Variants in PSD3 observed in about 807,000 individuals in gnomAD.
PSD3 encodes the protein PH and SEC7 domain-containing protein 3.
Under a neutral mutation model 105.5 loss-of-function variants are expected in PSD3, and 49 were observed. That is an observed-to-expected ratio of 0.46 (90% CI 0.37 to 0.59). PSD3 has a LOEUF of 0.59. PSD3 is among the 20% of genes least tolerant of loss of function. The pLI is 0.00. For missense variants in PSD3, 1,561 were observed against 1,263.8 expected (o/e 1.24, Z -3.57); for synonymous variants, 557 against 457.8 (o/e 1.22, Z -2.77).
chr8:18,761,542 G>C (rs1456609567), intron 9 of PSD3, among the ~76,000 whole-genome samples: 3 of 152,170 alleles, frequency 2.0e-5, no homozygotes, highest in African/African-American at 4.8e-5. Flanking sequence ...TTAAGAGACA[G>C]AACCTGGTAT....
At chr8:19,073,321 C>T (rs879342972) in intron 1 of PSD3, among the ~76,000 whole-genome samples, 2 of 152,078 alleles carry the variant, frequency 1.3e-5, no homozygotes, top group Non-Finnish European at 2.9e-5. Context: ...GAGGCCAAGG[C>T]GGGCGGATCA....
chr8:18,593,617 T>C (rs1323945683), intron 12 of PSD3, among the ~76,000 whole-genome samples: 1 of 152,084 alleles, frequency 6.6e-6, no homozygotes, highest in African/African-American at 2.4e-5. Flanking sequence ...AGCCATCCCA[T>C]TACTGGGTAT....
chr8:18,713,271 G>C (rs1296506362), intron 9 of PSD3, among the ~76,000 whole-genome samples: 1 of 152,108 alleles, frequency 6.6e-6, no homozygotes, highest in African/African-American at 2.4e-5. Context: ...CACAGTATTA[G>C]ACATTCTGGC....
In PSD3 at chr8:18,871,787, A is replaced by G. The variant is rs372197466; in HGVS notation, c.1077T>C (p.Asn359=). 116 of 1,614,074 alleles carry G rather than the reference A, an allele frequency of 7.2e-5. No homozygotes were observed. Among genetic ancestry groups the G allele is most frequent in the Non-Finnish European group, 8.7e-5 (103 of 1,180,034 alleles). The change falls in exon 3 of 16, where the codon AAT becomes AAC. Residue 359 remains asparagine (N), a synonymous_variant. Transcript: ENST00000327040. ...GLCNSSSLTE[N]VWDESWKAPS... is the part of the protein sequence containing the mutation. ...GAGCTTTCCAGGATTCATCCCAAAC[A>G]TTCTCAGTTAAACTACTTGAATTAC...
At chr8:18,957,124 C>A (rs1823618890) in intron 1 of PSD3, among the ~76,000 whole-genome samples, 1 of 152,154 alleles carries the variant, frequency 6.6e-6, no homozygotes, top group Admixed American at 6.5e-5. Context: ...CTAATTCCAA[C>A]ACTCTGGGAG....
chr8:18,872,341 T>C lies in PSD3; in HGVS notation c.523A>G (p.Thr175Ala), dbSNP rs370768183. The change falls in exon 3 of 16, where the codon ACT becomes GCT. Residue 175 changes from threonine to alanine, a missense_variant. Transcript: ENST00000327040. ...ACTCTCTGTGTTTTACGACTGGCAG[T>C]GTCCAGCTCTTTTTCCACCTGCTGA... ...SVQQVEKELDTASRKTQRVNK... is the reference protein window; with the variant it reads ...SVQQVEKELDAASRKTQRVNK... 14 of 1,614,084 alleles carry C rather than the reference T, an allele frequency of 8.7e-6. No individual in the cohort carries two copies. Among genetic ancestry groups the C allele is most frequent in the African/African-American group, 2.7e-5 (2 of 74,938 alleles).
intron 9 of PSD3, among the ~76,000 whole-genome samples, chr8:18,694,901 G>A (rs934585178): frequency 6.6e-6 from 1 of 151,974 alleles, no homozygotes; most frequent in Admixed American, 6.6e-5. Flanking sequence ...GCTGGCCAAA[G>A]GTATGGAGGA....
intron 9 of PSD3, among the ~76,000 whole-genome samples, chr8:18,762,090 C>A (rs1489112442): frequency 6.6e-6 from 1 of 152,136 alleles, no homozygotes; most frequent in African/African-American, 2.4e-5. Flanking sequence ...TGTGTCCCCA[C>A]CAAAACTCAT....
chr8:18,544,180 A>AAAAAAAAAAAAAAAAAC, intron 15 of PSD3, among the ~76,000 whole-genome samples: 1 of 51,458 alleles, frequency 1.9e-5, no homozygotes, highest in African/African-American at 3.6e-5. Context: ...CCAAAAAAAA[A>AAAAAAAAAAAAAAAAAC]AAAAAAAAAA....
At chr8:18,815,099 T>TC (rs1030060043) in intron 4 of PSD3, among the ~76,000 whole-genome samples, 7 of 152,306 alleles carry the variant, frequency 4.6e-5, no homozygotes, top group African/African-American at 1.7e-4. Context: ...TCAAATACTC[T>TC]CCTTTCTTGA....
At chr8:18,941,138 C>T (rs985159251) in intron 1 of PSD3, among the ~76,000 whole-genome samples, 38 of 152,188 alleles carry the variant, frequency 2.5e-4, no homozygotes, top group African/African-American at 8.9e-4. Context: ...TTTGGCATTA[C>T]TAACTGAATA....
intron 1 of PSD3, among the ~76,000 whole-genome samples, chr8:18,991,179 T>A (rs933724779): frequency 6.6e-6 from 1 of 152,108 alleles, no homozygotes; most frequent in Non-Finnish European, 1.5e-5. Flanking sequence ...ATTTAATACT[T>A]TTGACCACAC....
intron 1 of PSD3, among the ~76,000 whole-genome samples, chr8:18,943,180 T>C (rs1446220210): frequency 2.0e-5 from 3 of 152,194 alleles, no homozygotes; most frequent in African/African-American, 4.8e-5. Flanking sequence ...AAGACTCTTG[T>C]TCACTCAACC....
chr8:18,740,685 G>A (rs1357317137), intron 9 of PSD3, among the ~76,000 whole-genome samples: 1 of 152,170 alleles, frequency 6.6e-6, no homozygotes, highest in Non-Finnish European at 1.5e-5. Context: ...TTATCTCAGT[G>A]AAATGACCCT....
At chr8:19,035,749 A>AC (rs1434084816) in intron 1 of PSD3, among the ~76,000 whole-genome samples, 1 of 147,378 alleles carries the variant, frequency 6.8e-6, no homozygotes, top group Admixed American at 6.7e-5. Flanking sequence ...AAACAGGTAT[A>AC]CTTTTTTTGG....
At chr8:19,029,117 G>A (rs1041302981) in intron 1 of PSD3, among the ~76,000 whole-genome samples, 5 of 152,052 alleles carry the variant, frequency 3.3e-5, no homozygotes, top group Non-Finnish European at 5.9e-5. Context: ...TTGTTCTCCA[G>A]TTAAAAATTG....
intron 12 of PSD3, among the ~76,000 whole-genome samples, chr8:18,587,676 T>G (rs1035914193): frequency 3.9e-5 from 6 of 152,136 alleles, no homozygotes; most frequent in Non-Finnish European, 8.8e-5. Flanking sequence ...GGGGCCTTCT[T>G]CAGTAAGATT....
Position 18,867,802 on chromosome 8 carries a change from C to T in PSD3, c.1506G>A (p.Gln502=), listed in dbSNP as rs1429294863. 2 of 1,614,190 alleles carry T rather than the reference C, an allele frequency of 1.2e-6. No individual in the cohort carries two copies. The highest frequency in any genetic ancestry group is 8.5e-7 in the Non-Finnish European group (1 of 1,180,028). The part of the protein sequence containing the change: ...FLERTSGGGH[Q]DILSVSADGG... ...CATCTGCAGACACACTCAGGATATC[C>T]TGATGTCCTCCCCCTGATGTCCTCT... Residue 502 remains glutamine, a synonymous_variant, in exon 4 of 16, where the codon CAG becomes CAA. Transcript: ENST00000327040.
At chr8:18,553,370 G>A (rs906825770) in intron 15 of PSD3, among the ~76,000 whole-genome samples, 1 of 149,594 alleles carries the variant, frequency 6.7e-6, no homozygotes, top group African/African-American at 2.4e-5. Flanking sequence ...CTCTCACCTG[G>A]GTGAGAACAG....
Sources: gnomAD v4.1 joint callset for allele counts (sites outside exome capture counted in the v4.1 genomes callset) on GRCh38, gnomAD v4.1.1 for gene constraint, MANE v1.5 for transcripts, NCBI Gene and HGNC (gene_info 2026-07-23, HGNC 2026-07-21) for gene names.